NSMCE4A: variants seen among roughly 807,000 people sequenced by gnomAD.
NSMCE4A encodes the protein non-structural maintenance of chromosomes element 4 homolog A.
In NSMCE4A, 40 loss-of-function variants were observed where a neutral mutation model predicts 47.9. That is an observed-to-expected ratio of 0.83 (90% confidence interval 0.65 to 1.09). NSMCE4A has a LOEUF of 1.09. Among genes scored for constraint, NSMCE4A ranks in the 50% least tolerant of loss-of-function variants. The pLI is 0.00. For synonymous variants in NSMCE4A, 166 were observed against 178.5 expected (o/e 0.93, Z 0.56); for missense variants, 500 against 507.0 (o/e 0.99, Z 0.13).
At chr10:121,957,729 C>T (rs1952424444) in intron 10 of NSMCE4A, among the ~76,000 whole-genome samples, 1 of 151,832 alleles carries the variant, frequency 6.6e-6, no homozygotes, top group African/African-American at 2.4e-5. Flanking sequence ...CCACTGCGCC[C>T]GGCCTATTCC....
rs1952460993 is a variant in NSMCE4A, at chr10:121,959,556, T to C, written c.1028A>G (p.His343Arg). 5 of 1,614,078 alleles carry C rather than the reference T, an allele frequency of 3.1e-6. No individual in the cohort carries two copies. The African/African-American group carries it at 5.3e-5, about 17-fold the overall frequency. ...SINEENEGFE[H>R]NTQVRNQGII... ...TCCTTGATTTCTAACTTGTGTGTTATGTTCAAATCCCTCATTTTCTTCATT... is the reference window on the plus strand; with the variant it reads ...TCCTTGATTTCTAACTTGTGTGTTACGTTCAAATCCCTCATTTTCTTCATT... Residue 343 changes from histidine to arginine, a missense_variant, in exon 9 of 11, where the codon CAT becomes CGT. His to Arg is a conservative substitution (Grantham distance 29). Transcript: ENST00000369023.
Position 121,970,980 on chromosome 10 carries a change from C to G in NSMCE4A, c.460G>C (p.Asp154His). The change falls in exon 3 of 11, where the codon GAC becomes CAC. Residue 154 changes from aspartate to histidine, a missense_variant. Transcript: ENST00000369023. ...GKEKAKQLRSDLSSFDMLRYV... is the reference protein window; with the variant it reads ...GKEKAKQLRSHLSSFDMLRYV... ...CTTAACATGTCAAAGGAGCTCAGGT[C>G]TGAGCGCAGCTGCTTTGCTTTCTCT... The G allele has an allele frequency of 6.2e-7, 1 of 1,614,052 alleles. No individual in the cohort carries two copies. Among genetic ancestry groups the G allele is most frequent in the South Asian group, 1.1e-5 (1 of 91,060 alleles).
At chr10:121,962,691 C>A (rs1952524885) in intron 6 of NSMCE4A, among the ~76,000 whole-genome samples, 1 of 151,808 alleles carries the variant, frequency 6.6e-6, no homozygotes, top group South Asian at 2.1e-4. Context: ...TGGCTCACCG[C>A]AACCTCTGTC....
chr10:121,975,147 CGCT>C lies in NSMCE4A; in HGVS notation c.16_18del (p.Ser6del), dbSNP rs2134805181. 8.5e-6 allele frequency: 12 copies of C among 1,403,598 alleles called. No homozygotes were observed. Among genetic ancestry groups the C allele is most frequent in the Non-Finnish European group, 1.1e-5 (12 of 1,090,820 alleles). The allele number at this position is 1,403,598 out of a possible 1,614,324, so 86.9% of individuals were successfully genotyped here. On this transcript the variant is annotated inframe_deletion, in exon 1 of 11. Coordinates refer to ENST00000369023, the MANE Select transcript of NSMCE4A (RefSeq NM_017615.3). ...CGGCCCCGGCCCTCTGGCCCGCGGCCGCTGCTGTCCCCAGACATAGCGCCAATT... is the reference window on the plus strand; with the variant it reads ...CGGCCCCGGCCCTCTGGCCCGCGGCCGCTGTCCCCAGACATAGCGCCAATT...
chr10:121,969,772 G>A (rs1387110866), intron 3 of NSMCE4A, among the ~76,000 whole-genome samples: 1 of 152,194 alleles, frequency 6.6e-6, no homozygotes, highest in Non-Finnish European at 1.5e-5. Flanking sequence ...CTGGAGTGCA[G>A]TGGCGCGATC....
At chr10:121,957,558 T>C (rs12246756) in intron 10 of NSMCE4A, among the ~76,000 whole-genome samples, 20,102 of 151,238 alleles carry the variant, frequency 0.13, 1,554 homozygotes, top group Middle Eastern at 0.18. Flanking sequence ...CTCAGCCTCC[T>C]GAGTAGCTGG....
intron 5 of NSMCE4A, among the ~76,000 whole-genome samples, chr10:121,963,661 T>G (rs1409304935): frequency 6.6e-6 from 1 of 151,964 alleles, no homozygotes. Context: ...AAAATTTTTT[T>G]AGATATGGGG....
intron 10 of NSMCE4A, among the ~76,000 whole-genome samples, chr10:121,958,014 G>T (rs1379281104): frequency 6.6e-6 from 1 of 151,982 alleles, no homozygotes; most frequent in Non-Finnish European, 1.5e-5. Flanking sequence ...CGGACCACAA[G>T]GTCAGGAGTT....
At chr10:121,959,631 G>A (rs752833057) in intron 8 of NSMCE4A, 36 bp from the exon 9 acceptor site, 2 of 1,462,034 alleles carry the variant, frequency 1.4e-6, no homozygotes, top group South Asian at 1.1e-5. Flanking sequence ...TTTATCAAAG[G>A]TTATTAAATC....
At chr10:121,957,426 TTTC>T (rs542591619) in intron 10 of NSMCE4A, among the ~76,000 whole-genome samples, 167 bp from the exon 11 acceptor site, 44 of 104,236 alleles carry the variant, frequency 4.2e-4, no homozygotes, top group African/African-American at 1.3e-3. Flanking sequence ...CTTCTTCTTT[TTTC>T]TTTTTTTTTT....
chr10:121,974,289 C>T lies in NSMCE4A; in HGVS notation c.293-208G>A, dbSNP rs536416268. ...ATGCAGCATGAATTTTAAAAGGAAA[C>T]CCTAGCTCCCTCTAACCTTAACCCA... On this transcript the variant is annotated intron_variant, in intron 1 of 10. Coordinates refer to ENST00000369023, the MANE Select transcript of NSMCE4A (RefSeq NM_017615.3). 2.0e-3 allele frequency: 2,808 copies of T among 1,384,950 alleles called. 8 individuals carry two copies. The highest frequency in any genetic ancestry group is 2.4e-3 in the Non-Finnish European group (2,521 of 1,070,144). 85.8% of individuals were successfully genotyped at this position (1,384,950 alleles called of 1,614,324 possible).
intron 1 of NSMCE4A, 122 bp downstream of exon 1, chr10:121,974,752 C>T: frequency 1.7e-6 from 2 of 1,161,622 alleles, no homozygotes; most frequent in Non-Finnish European, 1.1e-6. Flanking sequence ...CCCGGCGCGT[C>T]TCTACTAACG....
chr10:121,957,422 CTTTTTTCTTT>C lies in NSMCE4A; in HGVS notation c.*13-173_*13-164del, dbSNP rs1180663466. The stretch of plus-strand genomic sequence containing the variant: ...TTTATTCCATATTTATTCCCTTCTT[CTTTTTTCTTT>C]TTTTTTTTTTTTTTTTTTGAGACAG... On this transcript the variant is annotated intron_variant, in intron 10 of 10. Transcript: ENST00000369023. Among the ~76,000 whole-genome samples, 11 of 117,812 alleles carry C rather than the reference CTTTTTTCTTT, an allele frequency of 9.3e-5. No individual in the cohort carries two copies. The East Asian group carries it at 2.7e-3, about 29-fold the overall frequency. The allele number at this position is 117,812 out of a possible 152,430, so 77.3% of individuals were successfully genotyped here.
intron 1 of NSMCE4A, chr10:121,974,657 C>A: frequency 2.8e-6 from 3 of 1,088,836 alleles, no homozygotes; most frequent in Non-Finnish European, 3.3e-6. Context: ...GCCCGCCACT[C>A]GGGGACCCGC....
intron 8 of NSMCE4A, 114 bp from the exon 9 acceptor site, chr10:121,959,709 A>G: frequency 1.5e-6 from 1 of 685,172 alleles, no homozygotes; most frequent in Non-Finnish European, 2.5e-6. Context: ...AGATACTTAT[A>G]ATATTACATA....
intron 10 of NSMCE4A, among the ~76,000 whole-genome samples, chr10:121,958,746 A>C (rs1409502674): frequency 2.0e-5 from 3 of 151,948 alleles, no homozygotes; most frequent in African/African-American, 7.3e-5. Flanking sequence ...CCCCTTCCCT[A>C]TTTTTTATTA....
At chr10:121,959,280 T>C in intron 10 of NSMCE4A, 44 bp downstream of exon 10, 1 of 1,538,228 alleles carries the variant, frequency 6.5e-7, no homozygotes. Context: ...GATTGCCAAA[T>C]GAACTTTAAT....
chr10:121,970,729 T>C (rs182462831), intron 3 of NSMCE4A, among the ~76,000 whole-genome samples: 32 of 152,160 alleles, frequency 2.1e-4, no homozygotes, highest in Non-Finnish European at 3.5e-4. Context: ...TAAGACAGAA[T>C]GCTACGAGAT....
Position 121,974,934 on chromosome 10 carries a change from C to G in NSMCE4A, c.232G>C (p.Asp78His), listed in dbSNP as rs1405715318. The change falls in exon 1 of 11, where the codon GAC becomes CAC. Residue 78 changes from aspartate (D) to histidine (H), a missense_variant. By Grantham distance (81) the Asp-to-His change is moderately conservative. Coordinates refer to ENST00000369023, the MANE Select transcript of NSMCE4A (RefSeq NM_017615.3). The part of the protein sequence containing the change: ...MDPASLEAEA[D>H]QGLCRQIRHQ... ...CGGATCTGGCGGCACAGGCCTTGGT[C>G]GGCCTCCGCCTCCAAGCTGGCCGGG... 6.5e-7 allele frequency: 1 copy of G among 1,533,530 alleles called. No homozygotes were observed. Among genetic ancestry groups the G allele is most frequent in the Non-Finnish European group, 8.8e-7 (1 of 1,142,582 alleles). 95.0% of individuals were successfully genotyped at this position (1,533,530 alleles called of 1,614,324 possible). A position where few individuals can be genotyped will look rare whatever the true frequency, so the allele number is the denominator to read the frequency against.
Sources: allele counts gnomAD v4.1 joint callset (sites outside exome capture counted in the v4.1 genomes callset), GRCh38; gene constraint gnomAD v4.1.1; transcripts MANE v1.5; gene names NCBI Gene and HGNC (gene_info 2026-07-23, HGNC 2026-07-21).